The following CA1 variants were observed in gnomAD, a reference collection of about 807,000 sequenced individuals.
CA1 encodes carbonic anhydrase 1.
In CA1, 27 loss-of-function variants were observed where a neutral mutation model predicts 28.8. The observed-to-expected ratio is 0.94, with a 90% confidence interval of 0.69 to 1.29. CA1 has a LOEUF of 1.29. Among genes scored for constraint, CA1 ranks in the 50% most tolerant of loss-of-function variants. The pLI is 0.00. For synonymous variants in CA1, 121 were observed against 108.8 expected (o/e 1.11, Z -0.70); for missense variants, 335 against 310.5 (o/e 1.08, Z -0.59).
chr8:85,347,720 A>G (rs972605526), intron 1 of CA1, among the ~76,000 whole-genome samples: 2 of 152,102 alleles, frequency 1.3e-5, no homozygotes, highest in Admixed American at 1.3e-4. Context: ...CATACAAGAC[A>G]TTTTCTGGGT....
chr8:85,352,698 A>C, intron 1 of CA1, among the ~76,000 whole-genome samples: 4 of 135,768 alleles, frequency 2.9e-5, no homozygotes, highest in South Asian at 4.6e-4. Context: ...ACATAGTCTC[A>C]CTCTGTTGCC....
intron 1 of CA1, among the ~76,000 whole-genome samples, chr8:85,343,523 G>A (rs1337079441): frequency 2.0e-5 from 3 of 152,242 alleles, no homozygotes; most frequent in Non-Finnish European, 4.4e-5. Context: ...ACTTCACTCC[G>A]GAAGCTCATG....
intron 1 of CA1, among the ~76,000 whole-genome samples, chr8:85,354,130 A>ATTTTTT (rs111936911): frequency 7.3e-6 from 1 of 137,816 alleles, no homozygotes; most frequent in Non-Finnish European, 1.6e-5. Context: ...CACCCAGCTA[A>ATTTTTT]TTTTTTTTTT....
In CA1 at chr8:85,337,050, AC is replaced by A; in HGVS notation, c.248del (p.Gly83ValfsTer39). The A allele has an allele frequency of 6.2e-7, 1 of 1,603,104 alleles. No individual in the cohort carries two copies. Among genetic ancestry groups the A allele is most frequent in the East Asian group, 2.2e-5 (1 of 44,782 alleles). On this transcript the variant is annotated frameshift_variant, in exon 4 of 8. Coordinates refer to ENST00000523022, the MANE Select transcript of CA1 (RefSeq NM_001128831.4). LOFTEE classifies it high-confidence loss of function. ...DNDNRSVLKGGPFSDSYRLFQ... is the reference protein window; with the variant it reads ...DNDNRSVLKGXPFSDSYRLFQ... ...AGAGCCTGTAGCTGTCAGAGAAAGG[AC>A]CACCTTTCAGCACTGGAAGAAAAGG... is the stretch of plus-strand genomic sequence containing the variant.
Position 85,333,756 on chromosome 8 carries a change from G to A in CA1, c.355-136C>T, listed in dbSNP as rs1325692242. The A allele has an allele frequency of 6.2e-6, 4 of 646,808 alleles. No homozygotes were observed. In the African/African-American group the frequency reaches 7.2e-5, roughly 12 times the overall value. The allele number at this position is 646,808 out of a possible 1,614,324, so 40.1% of individuals were successfully genotyped here. ...AACTTATGTGAACCTTTATCCAGTG[G>A]ATTAGAAGAGTTACATTCTCACTCG... On this transcript the variant is annotated intron_variant, in intron 4 of 7. Transcript: ENST00000523022.
chr8:85,351,199 C>G (rs1024921285), intron 1 of CA1, among the ~76,000 whole-genome samples: 1 of 152,216 alleles, frequency 6.6e-6, no homozygotes, highest in Non-Finnish European at 1.5e-5. Flanking sequence ...GTGACTTCTT[C>G]CAAGGGAGCA....
Position 85,334,594 on chromosome 8 carries a change from C to T in CA1, c.355-974G>A, listed in dbSNP as rs375831588. Among the ~76,000 whole-genome samples the T allele has an allele frequency of 4.1e-5, 6 of 145,634 alleles. No homozygotes were observed. The South Asian group carries it at 9.3e-4, about 23-fold the overall frequency. On this transcript the variant is annotated intron_variant, in intron 4 of 7. Transcript: ENST00000523022. ...TTCCTATTCTCCTCCCTCCCTTCCT[C>T]CCTCCCTCCCTTCCTTCCTCCCTCC...
intron 2 of CA1, chr8:85,341,350 A>G: frequency 2.8e-6 from 1 of 361,190 alleles, no homozygotes; most frequent in Non-Finnish European, 5.0e-6. Flanking sequence ...GCTTAATGAT[A>G]GGGGTCTGAA....
intron 4 of CA1, among the ~76,000 whole-genome samples, chr8:85,336,661 C>A (rs1808667098): frequency 6.6e-6 from 1 of 152,194 alleles, no homozygotes; most frequent in Non-Finnish European, 1.5e-5. Flanking sequence ...GGAGCAGTGT[C>A]ATCCTTTGAA....
intron 1 of CA1, among the ~76,000 whole-genome samples, chr8:85,344,226 ACAGT>A (rs1254779156): frequency 1.6e-5 from 1 of 60,680 alleles, no homozygotes; most frequent in African/African-American, 1.1e-4. Flanking sequence ...TATATTATAT[ACAGT>A]ATATAATATA....
chr8:85,343,623 AT>A (rs1198442667), intron 1 of CA1, among the ~76,000 whole-genome samples: 1 of 152,150 alleles, frequency 6.6e-6, no homozygotes, highest in African/African-American at 2.4e-5. Context: ...GAACTACTCT[AT>A]TAATCAACAA....
intron 1 of CA1, among the ~76,000 whole-genome samples, chr8:85,355,570 T>C (rs1809573217): frequency 6.8e-6 from 1 of 147,628 alleles, no homozygotes; most frequent in Non-Finnish European, 1.5e-5. Flanking sequence ...TTTTTTTTTT[T>C]TTTTACTTTC....
At chr8:85,332,084 T>C (rs936879367) in intron 6 of CA1, among the ~76,000 whole-genome samples, 9 of 152,310 alleles carry the variant, frequency 5.9e-5, no homozygotes, top group South Asian at 2.1e-4. Flanking sequence ...ACAAGAGTTA[T>C]GGTTATCAAA....
At chr8:85,368,922 T>C (rs1810115018) in intron 1 of CA1, among the ~76,000 whole-genome samples, 1 of 152,094 alleles carries the variant, frequency 6.6e-6, no homozygotes, top group Non-Finnish European at 1.5e-5. Flanking sequence ...AGCCTCTGGA[T>C]AGAGCTTCGA....
At position 85,347,761 on chromosome 8, in the gene CA1, C is replaced by T. The variant is rs535281286; in HGVS notation, c.-24-6102G>A. Among the ~76,000 whole-genome samples, 12 of 144,382 alleles carry T rather than the reference C, an allele frequency of 8.3e-5. No individual in the cohort carries two copies. In the South Asian group the frequency reaches 2.3e-3, roughly 27 times the overall value. The allele number at this position is 144,382 out of a possible 152,430, so 94.7% of individuals were successfully genotyped here. On this transcript the variant is annotated intron_variant, in intron 1 of 7. Transcript: ENST00000523022. ...AAATTTTTCCTTCTCAGTTACTACT[C>T]TTGATACCACTAATTGTACAAAATT...
chr8:85,337,021 T>C lies in CA1; in HGVS notation c.278A>G (p.Gln93Arg). ...TGTACTGCCCCAGTGAAAATGGAAC[T>C]GAAAGAGCCTGTAGCTGTCAGAGAA... ...GPFSDSYRLF[Q>R]FHFHWGSTNE... Residue 93 changes from glutamine (Q) to arginine (R), a missense_variant, in exon 4 of 8, where the codon CAG (glutamine) becomes CGG (arginine). Coordinates refer to ENST00000523022, the MANE Select transcript of CA1 (RefSeq NM_001128831.4). 6.2e-7 allele frequency: 1 copy of C among 1,613,238 alleles called. No homozygotes were observed. Among genetic ancestry groups the C allele is most frequent in the Admixed American group, 1.7e-5 (1 of 59,990 alleles).
chr8:85,342,048 A>G (rs1424048215), intron 1 of CA1, among the ~76,000 whole-genome samples: 2 of 152,160 alleles, frequency 1.3e-5, no homozygotes, highest in Non-Finnish European at 2.9e-5. Context: ...TACCTAAGCA[A>G]TATATGCAAA....
At chr8:85,345,275 C>G (rs1034946247) in intron 1 of CA1, among the ~76,000 whole-genome samples, 2 of 152,182 alleles carry the variant, frequency 1.3e-5, no homozygotes, top group African/African-American at 4.8e-5. Context: ...GTCCAGATTG[C>G]TCTGTACCCA....
At chr8:85,369,632 T>C (rs1418378515) in intron 1 of CA1, among the ~76,000 whole-genome samples, 1 of 152,128 alleles carries the variant, frequency 6.6e-6, no homozygotes. Context: ...CTTTGCATCA[T>C]AATAGCTAGT....
Sources: allele counts gnomAD v4.1 joint callset (sites outside exome capture counted in the v4.1 genomes callset), GRCh38; gene constraint gnomAD v4.1.1; transcripts MANE v1.5; gene names NCBI Gene and HGNC (gene_info 2026-07-23, HGNC 2026-07-21).